SYN3: variants seen among roughly 807,000 people sequenced by gnomAD.
SYN3 encodes synapsin III, also known as synapsin-3.
Under a neutral mutation model 65.8 loss-of-function variants are expected in SYN3, and 35 were observed. The observed-to-expected ratio is 0.53, with a 90% CI of 0.41 to 0.70. SYN3 has a LOEUF of 0.70. SYN3 is among the 30% of genes least tolerant of loss of function. The pLI, the probability that SYN3 is intolerant of heterozygous loss-of-function variation, is 0.00. For missense variants in SYN3, 680 were observed against 749.0 expected (o/e 0.91, Z 1.08); for synonymous variants, 270 against 292.9 (o/e 0.92, Z 0.80).
intron 4 of SYN3, among the ~76,000 whole-genome samples, chr22:32,918,307 T>C (rs143498723): frequency 1.3e-4 from 20 of 152,230 alleles, no homozygotes; most frequent in African/African-American, 3.6e-4. Flanking sequence ...CCCTCCTGAA[T>C]CAGTTATAGT....
At position 32,952,754 on chromosome 22, in the gene SYN3, C is replaced by CAAAT. The variant is rs529182412; in HGVS notation, c.370-21277_370-21274dup. On this transcript the variant is annotated intron_variant, in intron 3 of 13. Coordinates refer to ENST00000358763, the MANE Select transcript of SYN3 (RefSeq NM_003490.4). ...CAAGGAACAGAGCAAAACCCTATCT[C>CAAAT]AAATAAATAAATAAATAAATAGAAT... Among the ~76,000 whole-genome samples, 152 of 152,094 alleles carry CAAAT rather than the reference C, an allele frequency of 1.0e-3. 1 individual carries two copies. Among genetic ancestry groups the CAAAT allele is most frequent in the Middle Eastern group, 6.8e-3 (2 of 294 alleles).
intron 6 of SYN3, among the ~76,000 whole-genome samples, chr22:32,668,811 C>A (rs1375179922): frequency 3.9e-5 from 6 of 152,156 alleles, no homozygotes; most frequent in Non-Finnish European, 8.8e-5. Context: ...CTGCCATCTG[C>A]CCCATGAAAG....
At chr22:32,760,578 G>GC (rs1163719439) in intron 6 of SYN3, among the ~76,000 whole-genome samples, 1 of 152,078 alleles carries the variant, frequency 6.6e-6, no homozygotes, top group East Asian at 1.9e-4. Flanking sequence ...CACATGCAGG[G>GC]CCCCCCGTGG....
At chr22:32,644,836 C>T (rs978128083) in intron 6 of SYN3, among the ~76,000 whole-genome samples, 1 of 152,114 alleles carries the variant, frequency 6.6e-6, no homozygotes, top group African/African-American at 2.4e-5. Flanking sequence ...TGGCTTTTCT[C>T]CTCTTTTTCT....
intron 6 of SYN3, among the ~76,000 whole-genome samples, chr22:32,762,303 G>A (rs760780693): frequency 9.2e-5 from 14 of 151,920 alleles, no homozygotes; most frequent in Admixed American, 7.9e-4. Flanking sequence ...TCTTCTCCCC[G>A]TCCATACATC....
chr22:32,885,405 C>T (rs916733825), intron 4 of SYN3, among the ~76,000 whole-genome samples: 2 of 152,150 alleles, frequency 1.3e-5, no homozygotes, highest in Non-Finnish European at 2.9e-5. Flanking sequence ...TGTTCCTTCA[C>T]GTTATCAGTG....
At chr22:32,913,450 G>A (rs747714644) in intron 4 of SYN3, among the ~76,000 whole-genome samples, 15 of 151,496 alleles carry the variant, frequency 9.9e-5, no homozygotes, top group Non-Finnish European at 1.9e-4. Flanking sequence ...GAGCCACCCC[G>A]CACAGCCAAG....
chr22:33,045,417 TCATATTCCA>T (rs1371002758), intron 1 of SYN3, among the ~76,000 whole-genome samples: 2 of 147,914 alleles, frequency 1.4e-5, no homozygotes, highest in African/African-American at 4.9e-5. Context: ...CTCTTTTCCC[TCATATTCCA>T]CATCTCATTC....
Position 32,931,401 on chromosome 22 carries a change from G to C in SYN3, c.450C>G (p.Thr150=). 1 of 1,611,350 alleles carries C rather than the reference G, an allele frequency of 6.2e-7. No homozygotes were observed. The highest frequency in any genetic ancestry group is 8.5e-7 in the Non-Finnish European group (1 of 1,177,580). The change falls in exon 4 of 14, where the codon ACC becomes ACG. Residue 150 remains threonine, a synonymous_variant. Coordinates refer to ENST00000358763, the MANE Select transcript of SYN3 (RefSeq NM_003490.4). Reference sequence around the variant, plus strand: ...TTAATCCTACTTACCTCACCACTTTGGTCCCATTTCTCACGACCTGCATGT... The same window carrying C: ...TTAATCCTACTTACCTCACCACTTTCGTCCCATTTCTCACGACCTGCATGT... The part of the protein sequence containing the change: ...MVDMQVVRNG[T]KVVSRSFKPD...
intron 6 of SYN3, among the ~76,000 whole-genome samples, chr22:32,643,047 AC>A (rs1386531892): frequency 2.0e-5 from 3 of 151,790 alleles, no homozygotes; most frequent in African/African-American, 7.3e-5. Context: ...TGATAGGGAA[AC>A]CTTTTTTGAG....
chr22:32,671,694 CTGTCACACAGGTGCACACACAT>C (rs1408924551), intron 6 of SYN3, among the ~76,000 whole-genome samples: 5 of 150,734 alleles, frequency 3.3e-5, no homozygotes, highest in Non-Finnish European at 7.4e-5. Flanking sequence ...TACACACACG[CTGTCACACAGGTGCACACACAT>C]GCTCTCACAG....
intron 6 of SYN3, among the ~76,000 whole-genome samples, chr22:32,829,421 G>A (rs879937489): frequency 6.6e-6 from 1 of 152,220 alleles, no homozygotes; most frequent in African/African-American, 2.4e-5. Context: ...CAAAGACAGA[G>A]GGGGTGGGGT....
intron 4 of SYN3, among the ~76,000 whole-genome samples, chr22:32,904,928 A>G (rs1286152130): frequency 6.6e-6 from 1 of 152,218 alleles, no homozygotes; most frequent in Non-Finnish European, 1.5e-5. Context: ...AATGGTACAA[A>G]TTATATACCG....
chr22:32,672,344 A>T (rs1248805427), intron 6 of SYN3, among the ~76,000 whole-genome samples: 1 of 152,214 alleles, frequency 6.6e-6, no homozygotes, highest in Non-Finnish European at 1.5e-5. Flanking sequence ...TAAAATAAAC[A>T]TATGTAGATG....
intron 2 of SYN3, among the ~76,000 whole-genome samples, chr22:33,001,360 C>T (rs1288896618): frequency 6.6e-6 from 1 of 152,216 alleles, no homozygotes; most frequent in African/African-American, 2.4e-5. Context: ...AATGTTATGT[C>T]TGAGGCCACT....
At chr22:32,620,813 G>A (rs777576495) in intron 6 of SYN3, among the ~76,000 whole-genome samples, 3 of 151,914 alleles carry the variant, frequency 2.0e-5, no homozygotes, top group Non-Finnish European at 4.4e-5. Flanking sequence ...TCCGCCTCCC[G>A]GGTTCAAGGG....
At chr22:32,525,281 A>G (rs956303703) in intron 12 of SYN3, among the ~76,000 whole-genome samples, 3 of 152,200 alleles carry the variant, frequency 2.0e-5, no homozygotes, top group Non-Finnish European at 4.4e-5. Context: ...AAGAGAACTA[A>G]AATAAGAAGT....
chr22:32,902,462 G>C (rs1231176207), intron 4 of SYN3, among the ~76,000 whole-genome samples: 1 of 152,224 alleles, frequency 6.6e-6, no homozygotes, highest in Non-Finnish European at 1.5e-5. Context: ...TCTGAAGATA[G>C]AGGAAGCCAT....
At chr22:32,912,675 T>G (rs2050083179) in intron 4 of SYN3, among the ~76,000 whole-genome samples, 1 of 152,094 alleles carries the variant, frequency 6.6e-6, no homozygotes, top group Non-Finnish European at 1.5e-5. Context: ...GAGCTATGAT[T>G]GTACCACTAC....
Sources: gnomAD v4.1 joint callset for allele counts (sites outside exome capture counted in the v4.1 genomes callset) on GRCh38, gnomAD v4.1.1 for gene constraint, MANE v1.5 for transcripts, NCBI Gene and HGNC (gene_info 2026-07-23, HGNC 2026-07-21) for gene names.